HSBP1: variants seen among roughly 807,000 people sequenced by gnomAD.
The protein encoded by HSBP1 is heat shock factor-binding protein 1.
In HSBP1, 5 loss-of-function variants were observed where a neutral mutation model predicts 9.6. That is an observed-to-expected ratio of 0.52 (90% confidence interval 0.27 to 1.09). The LOEUF (loss-of-function observed/expected upper bound fraction) is 1.09, where lower values mean the gene tolerates loss of function less well. Among genes scored for constraint, HSBP1 ranks in the 50% least tolerant of loss-of-function variants. HSBP1 has a pLI of 0.11. For missense variants in HSBP1, 121 were observed against 96.3 expected (o/e 1.26, Z -1.07); for synonymous variants, 42 against 33.3 (o/e 1.26, Z -0.90).
rs895410975 is a variant in HSBP1, at chr16:83,814,002, C to A, written c.*2584C>A. ...TTGGAATTTAAGCCCCACACACACA[C>A]ACTTAGAGCACTGTTGCTATGGGAA... is the stretch of plus-strand genomic sequence containing the variant. On this transcript the variant is annotated 3_prime_UTR_variant, in exon 4 of 4. Coordinates refer to ENST00000433866, the MANE Select transcript of HSBP1 (RefSeq NM_001537.4). The A allele has an allele frequency of 3.3e-5, 5 of 151,172 alleles. No homozygotes were observed. Among genetic ancestry groups the A allele is most frequent in the Non-Finnish European group, 7.4e-5 (5 of 67,776 alleles). 9.4% of individuals were successfully genotyped at this position (151,172 alleles called of 1,614,324 possible). A position where few individuals can be genotyped will look rare whatever the true frequency, so the allele number is the denominator to read the frequency against.
chr16:83,817,323 C>T lies in HSBP1; in HGVS notation c.*5905C>T, dbSNP rs1904743262. The T allele has an allele frequency of 6.6e-6, 1 of 152,202 alleles. No homozygotes were observed. Among genetic ancestry groups the T allele is most frequent in the South Asian group, 2.1e-4 (1 of 4,824 alleles). 9.4% of individuals were successfully genotyped at this position (152,202 alleles called of 1,614,324 possible). ...AATTCAATCCATGTGTCACGCATGC[C>T]CCAACAATTTGTGTCCCAACTGTTT... On this transcript the variant is annotated 3_prime_UTR_variant, in exon 4 of 4. Transcript: ENST00000433866.
rs1802383 is a variant in HSBP1, at chr16:83,808,071, G to C, written c.-6G>C. The C allele has an allele frequency of 3.9e-6, 6 of 1,544,164 alleles. No homozygotes were observed. Among genetic ancestry groups the C allele is most frequent in the Non-Finnish European group, 5.2e-6 (6 of 1,143,404 alleles). ...AGACATCACCGCCAAGCTGGGCATC[G>C]GGGAGATGGCCGAGACTGACCCCAA... is the stretch of plus-strand genomic sequence containing the variant. On this transcript the variant is annotated 5_prime_UTR_variant, in exon 1 of 4. Transcript: ENST00000433866.
In HSBP1 at chr16:83,813,892, C is replaced by T. The variant is rs1419219455; in HGVS notation, c.*2474C>T. ...TTTCATATCAATTTTTTCTTTGTTT[C>T]ACTACAAGTACAGTCATTGTTTAAC... is the stretch of plus-strand genomic sequence containing the variant. On this transcript the variant is annotated 3_prime_UTR_variant, in exon 4 of 4. Transcript: ENST00000433866. 1 of 152,054 alleles carries T rather than the reference C, an allele frequency of 6.6e-6. No homozygotes were observed. The highest frequency in any genetic ancestry group is 2.4e-5 in the African/African-American group (1 of 41,410). 9.4% of individuals were successfully genotyped at this position (152,054 alleles called of 1,614,324 possible).
At position 83,814,783 on chromosome 16, in the gene HSBP1, C is replaced by T. The variant is rs1421378458; in HGVS notation, c.*3365C>T. The T allele has an allele frequency of 6.6e-6, 1 of 152,174 alleles. No individual in the cohort carries two copies. The highest frequency in any genetic ancestry group is 1.5e-5 in the Non-Finnish European group (1 of 68,038). 9.4% of individuals were successfully genotyped at this position (152,174 alleles called of 1,614,324 possible). The stretch of plus-strand genomic sequence containing the variant: ...CTCCTGGATCAGTGCCTTTTTTCTC[C>T]TAAATCAGTTGAGAACAACAACAGA... On this transcript the variant is annotated 3_prime_UTR_variant, in exon 4 of 4. Transcript: ENST00000433866.
intron 2 of HSBP1, 99 bp downstream of exon 2, chr16:83,808,845 C>CA (rs1381957207): frequency 2.1e-5 from 18 of 841,736 alleles, no homozygotes; most frequent in Non-Finnish European, 3.2e-5. Flanking sequence ...TAGCTTCAGC[C>CA]ATTCACTTGT....
In HSBP1 at chr16:83,817,204, A is replaced by G. The variant is rs1904739943; in HGVS notation, c.*5786A>G. ...TGCGAACCGTCCGATGATGTAATTC[A>G]CCAAGTTCCATGGGATTCCGCCACG... On this transcript the variant is annotated 3_prime_UTR_variant, in exon 4 of 4. Transcript: ENST00000433866. 6.6e-6 allele frequency: 1 copy of G among 152,238 alleles called. No individual in the cohort carries two copies. Among genetic ancestry groups the G allele is most frequent in the Non-Finnish European group, 1.5e-5 (1 of 68,050 alleles). 9.4% of individuals were successfully genotyped at this position (152,238 alleles called of 1,614,324 possible). A position where few individuals can be genotyped will look rare whatever the true frequency, so the allele number is the denominator to read the frequency against.
intron 3 of HSBP1, among the ~76,000 whole-genome samples, chr16:83,810,094 C>T (rs905196293): frequency 6.6e-6 from 1 of 151,392 alleles, no homozygotes; most frequent in Non-Finnish European, 1.5e-5. Flanking sequence ...GGAAGATTTT[C>T]CATTGCTTTT....
At chr16:83,809,513 G>C in intron 3 of HSBP1, 88 bp downstream of exon 3, 1 of 695,750 alleles carries the variant, frequency 1.4e-6, no homozygotes, top group Non-Finnish European at 2.3e-6. Flanking sequence ...TTGTTGCCCA[G>C]GCTGGAGTGC....
rs1469447736 is a variant in HSBP1 at position 83,819,283 on chromosome 16, T to A, written c.*7865T>A. 6.6e-6 allele frequency: 1 copy of A among 152,238 alleles called. No individual in the cohort carries two copies. The highest frequency in any genetic ancestry group is 1.5e-5 in the Non-Finnish European group (1 of 68,048). 9.4% of individuals were successfully genotyped at this position (152,238 alleles called of 1,614,324 possible). On this transcript the variant is annotated 3_prime_UTR_variant, in exon 4 of 4. Transcript: ENST00000433866. ...TATTTTTAATAAATTCCCTCATTTATTATTTTTGTGTCTTATTTCCCATAC... is the reference window on the plus strand; with the variant it reads ...TATTTTTAATAAATTCCCTCATTTAATATTTTTGTGTCTTATTTCCCATAC...
At chr16:83,809,267 A>C in intron 2 of HSBP1, 38 bp from the exon 3 acceptor site, 2 of 1,298,356 alleles carry the variant, frequency 1.5e-6, no homozygotes. Context: ...AAAAAGGCTC[A>C]ATGAGATGTT....
At position 83,808,141 on chromosome 16, in the gene HSBP1, G is replaced by A. The variant is rs1160419009; in HGVS notation, c.45+20G>A. 3 of 1,541,006 alleles carry A rather than the reference G, an allele frequency of 1.9e-6. No homozygotes were observed. The highest frequency in any genetic ancestry group is 2.6e-6 in the Non-Finnish European group (3 of 1,141,786). On this transcript the variant is annotated intron_variant, in intron 1 of 3. Transcript: ENST00000433866. Reference sequence around the variant, plus strand: ...TCGGTGGTAAGGGACGGCTGTGAGGGCCGGAGGCCGCGGCCTTCCCGGGCG... The same window carrying A: ...TCGGTGGTAAGGGACGGCTGTGAGGACCGGAGGCCGCGGCCTTCCCGGGCG...
At position 83,813,015 on chromosome 16, in the gene HSBP1, A is replaced by T. The variant is rs934698728; in HGVS notation, c.*1597A>T. 2 of 152,250 alleles carry T rather than the reference A, an allele frequency of 1.3e-5. No homozygotes were observed. Among genetic ancestry groups the T allele is most frequent in the African/African-American group, 4.8e-5 (2 of 41,466 alleles). 9.4% of individuals were successfully genotyped at this position (152,250 alleles called of 1,614,324 possible). On this transcript the variant is annotated 3_prime_UTR_variant, in exon 4 of 4. Transcript: ENST00000433866. ...GCTATGAAGCTTCCTTTGTGTCAAAAATCTGTTTGGTTTTCAGATGGAAAT... is the reference window on the plus strand; with the variant it reads ...GCTATGAAGCTTCCTTTGTGTCAAATATCTGTTTGGTTTTCAGATGGAAAT...
chr16:83,813,772 G>A lies in HSBP1; in HGVS notation c.*2354G>A, dbSNP rs1904656830. ...AGCGTTACATTTAATTAAGTGCCCT[G>A]TCTCAAACCCCAAGGCCCCACAGCT... is the stretch of plus-strand genomic sequence containing the variant. On this transcript the variant is annotated 3_prime_UTR_variant, in exon 4 of 4. Transcript: ENST00000433866. 6.6e-6 allele frequency: 1 copy of A among 152,200 alleles called. No homozygotes were observed. The highest frequency in any genetic ancestry group is 2.4e-5 in the African/African-American group (1 of 41,434). The allele number at this position is 152,200 out of a possible 1,614,324, so 9.4% of individuals were successfully genotyped here. A position where few individuals can be genotyped will look rare whatever the true frequency, so the allele number is the denominator to read the frequency against.
chr16:83,813,984 T>G lies in HSBP1; in HGVS notation c.*2566T>G, dbSNP rs1419267927. The G allele has an allele frequency of 6.6e-6, 1 of 152,192 alleles. No individual in the cohort carries two copies. The highest frequency in any genetic ancestry group is 2.4e-5 in the African/African-American group (1 of 41,434). The allele number at this position is 152,192 out of a possible 1,614,324, so 9.4% of individuals were successfully genotyped here. A position where few individuals can be genotyped will look rare whatever the true frequency, so the allele number is the denominator to read the frequency against. ...ATTTGCCCTTGTGAGTCCTTGGAAT[T>G]TAAGCCCCACACACACACACTTAGA... On this transcript the variant is annotated 3_prime_UTR_variant, in exon 4 of 4. Coordinates refer to ENST00000433866, the MANE Select transcript of HSBP1 (RefSeq NM_001537.4).
chr16:83,819,231 A>G lies in HSBP1; in HGVS notation c.*7813A>G, dbSNP rs1904786236. ...CCCTTTTTGTAGATCCTGATTCAGA[A>G]TATCTGGGACGGGGGCTGGAGATTC... On this transcript the variant is annotated 3_prime_UTR_variant, in exon 4 of 4. Transcript: ENST00000433866. 6.6e-6 allele frequency: 1 copy of G among 152,160 alleles called. No homozygotes were observed. The highest frequency in any genetic ancestry group is 6.5e-5 in the Admixed American group (1 of 15,278). The allele number at this position is 152,160 out of a possible 1,614,324, so 9.4% of individuals were successfully genotyped here. A position where few individuals can be genotyped will look rare whatever the true frequency, so the allele number is the denominator to read the frequency against.
At chr16:83,809,110 G>T in intron 2 of HSBP1, 195 bp from the exon 3 acceptor site, 1 of 565,568 alleles carries the variant, frequency 1.8e-6, no homozygotes, top group Non-Finnish European at 3.1e-6. Flanking sequence ...CACTAGTAAG[G>T]GTCAGGGCTG....
chr16:83,809,316 A>C lies in HSBP1; in HGVS notation c.124A>C (p.Ser42Arg). The change falls in exon 3 of 4, where the codon AGT (serine) becomes CGT (arginine). Residue 42 changes from serine (S) to arginine (R), a missense_variant. Coordinates refer to ENST00000433866, the MANE Select transcript of HSBP1 (RefSeq NM_001537.4). ...TTTAACTTCAGCACTTGATGATATG[A>C]GTAGTCGCATTGATGATCTGGAAAA... The part of the protein sequence containing the change: ...DQIIGRIDDM[S>R]SRIDDLEKNI... 3 of 1,589,494 alleles carry C rather than the reference A, an allele frequency of 1.9e-6. No individual in the cohort carries two copies. Among genetic ancestry groups the C allele is most frequent in the South Asian group, 1.1e-5 (1 of 87,400 alleles).
chr16:83,810,629 G>A (rs1191968171), intron 3 of HSBP1, among the ~76,000 whole-genome samples: 1 of 151,610 alleles, frequency 6.6e-6, no homozygotes, highest in Non-Finnish European at 1.5e-5. Flanking sequence ...TTGATGTGAG[G>A]AGCTCGAGAC....
chr16:83,809,281 A>G, intron 2 of HSBP1, 24 bp from the exon 3 acceptor site: 2 of 1,410,326 alleles, frequency 1.4e-6, no homozygotes, highest in African/African-American at 1.4e-5. Flanking sequence ...AGATGTTGGC[A>G]CGCGTTGTCT....
Sources: allele counts gnomAD v4.1 joint callset (sites outside exome capture counted in the v4.1 genomes callset), GRCh38; gene constraint gnomAD v4.1.1; transcripts MANE v1.5; gene names NCBI Gene and HGNC (gene_info 2026-07-23, HGNC 2026-07-21).